LRRC56: variants seen among roughly 807,000 people sequenced by gnomAD.
LRRC56 encodes leucine rich repeat containing 56.
In LRRC56, 41 loss-of-function variants were observed where a neutral mutation model predicts 47.8. That is an observed-to-expected ratio of 0.86 (90% CI 0.67 to 1.11). The LOEUF is 1.11. LRRC56 is among the 50% of genes most tolerant of loss of function. LRRC56 has a pLI of 0.00. For synonymous variants in LRRC56, 387 were observed against 311.2 expected (o/e 1.24, Z -2.56); for missense variants, 759 against 704.2 (o/e 1.08, Z -0.88).
In LRRC56 at chr11:553,915, C is replaced by A. The variant is rs201673418; in HGVS notation, c.1316-48C>A. On this transcript the variant is annotated intron_variant, in intron 13 of 13. Coordinates refer to ENST00000270115, the MANE Select transcript of LRRC56 (RefSeq NM_198075.4). Reference sequence around the variant, plus strand: ...TGTGGCCTCCCCACCGGGTGACTCCCTTCCCTGACAGCCTTTCTGACGTCC... The same window carrying A: ...TGTGGCCTCCCCACCGGGTGACTCCATTCCCTGACAGCCTTTCTGACGTCC... 4.6e-5 allele frequency: 72 copies of A among 1,570,472 alleles called. No individual in the cohort carries two copies. In the East Asian group the frequency reaches 1.6e-3, roughly 35 times the overall value.
the LRRC56 span, among the ~76,000 whole-genome samples, chr11:524,826 C>T: frequency 2.0e-5 from 3 of 152,220 alleles, no homozygotes; most frequent in African/African-American, 7.2e-5. Flanking sequence ...GGCATAGTGG[C>T]TCATGCCTGT....
At chr11:509,032 C>T in the LRRC56 span, among the ~76,000 whole-genome samples, 4 of 151,870 alleles carry the variant, frequency 2.6e-5, no homozygotes, top group South Asian at 4.2e-4. Flanking sequence ...GCAACAAGAG[C>T]GAAACTCCAT....
chr11:523,132 G>A, the LRRC56 span, among the ~76,000 whole-genome samples: 5 of 152,154 alleles, frequency 3.3e-5, no homozygotes, highest in East Asian at 1.9e-4. Flanking sequence ...AGGTTCAAGC[G>A]ATTCTCCCTC....
At position 552,637 on chromosome 11, in the gene LRRC56, T is replaced by A. The variant is rs1477505099; in HGVS notation, c.1250T>A (p.Val417Asp). 2.5e-6 allele frequency: 4 copies of A among 1,610,518 alleles called. No individual in the cohort carries two copies. Among genetic ancestry groups the A allele is most frequent in the South Asian group, 1.1e-5 (1 of 90,944 alleles). The change falls in exon 13 of 14, where the codon GTC becomes GAC. Residue 417 changes from valine to aspartate, a missense_variant. Coordinates refer to ENST00000270115, the MANE Select transcript of LRRC56 (RefSeq NM_198075.4). ...GAVAPWGPRRVPEEQVHQAEP... is the reference protein window; with the variant it reads ...GAVAPWGPRRDPEEQVHQAEP... ...GTAGCCCCCTGGGGCCCACGGAGGGTCCCTGAAGAGCAAGTGCACCAGGCA... is the reference window on the plus strand; with the variant it reads ...GTAGCCCCCTGGGGCCCACGGAGGGACCCTGAAGAGCAAGTGCACCAGGCA...
At chr11:511,083 A>G in the LRRC56 span, among the ~76,000 whole-genome samples, 1 of 152,246 alleles carries the variant, frequency 6.6e-6, no homozygotes, top group Middle Eastern at 3.4e-3. Context: ...GCACTTTGGG[A>G]GGCCGAGGCG....
At chr11:516,436 C>G in the LRRC56 span, among the ~76,000 whole-genome samples, 1 of 152,114 alleles carries the variant, frequency 6.6e-6, no homozygotes, top group Non-Finnish European at 1.5e-5. Flanking sequence ...ATAGAATGCC[C>G]TCTCACTTGA....
At chr11:507,077 C>G in the LRRC56 span, 1 of 152,268 alleles carries the variant, frequency 6.6e-6, no homozygotes, top group Admixed American at 6.5e-5. Flanking sequence ...TGGGCGAGGC[C>G]TGGCTAGACG....
chr11:529,558 T>A, the LRRC56 span: 1 of 152,066 alleles, frequency 6.6e-6, no homozygotes, highest in Non-Finnish European at 1.5e-5. Context: ...TGGGTCAGGG[T>A]GCGGGGATGG....
At chr11:536,086 C>T (rs947970721), upstream of LRRC56, among the ~76,000 whole-genome samples, 11 of 152,334 alleles carry the variant, frequency 7.2e-5, no homozygotes, top group African/African-American at 2.6e-4. Flanking sequence ...GGAGCGGCCG[C>T]GCACCCCACC....
chr11:554,223 G>C lies in LRRC56; in HGVS notation c.1576G>C (p.Ala526Pro). Reference protein sequence around the residue: ...PGPKPAPDAAARPPRAAELSH... With the variant: ...PGPKPAPDAAPRPPRAAELSH... ...CCCAAAGCCAGCACCAGATGCAGCAGCTAGACCTCCCAGGGCAGCTGAACT... is the reference window on the plus strand; with the variant it reads ...CCCAAAGCCAGCACCAGATGCAGCACCTAGACCTCCCAGGGCAGCTGAACT... The change falls in exon 14 of 14, where the codon GCT becomes CCT. Residue 526 changes from alanine (A) to proline (P), a missense_variant. Ala to Pro is a conservative substitution (Grantham distance 27). Coordinates refer to ENST00000270115, the MANE Select transcript of LRRC56 (RefSeq NM_198075.4). The C allele has an allele frequency of 6.6e-7, 1 of 1,523,988 alleles. No individual in the cohort carries two copies. The highest frequency in any genetic ancestry group is 8.8e-7 in the Non-Finnish European group (1 of 1,138,304). 94.4% of individuals were successfully genotyped at this position (1,523,988 alleles called of 1,614,324 possible). A position where few individuals can be genotyped will look rare whatever the true frequency, so the allele number is the denominator to read the frequency against.
upstream of LRRC56, chr11:537,127 AG>A (rs1851545059): frequency 6.6e-6 from 1 of 152,188 alleles, no homozygotes; most frequent in African/African-American, 2.4e-5. Context: ...CCTCGGCCCC[AG>A]GGGCGACCCT....
chr11:527,251 A>G, the LRRC56 span, among the ~76,000 whole-genome samples: 1 of 151,956 alleles, frequency 6.6e-6, no homozygotes, highest in South Asian at 2.1e-4. Flanking sequence ...CAGTGAGCTG[A>G]GATCGCGCCA....
rs1022447291 is a variant in LRRC56, at chr11:540,857, G to A, written c.173G>A (p.Arg58Gln). Residue 58 changes from arginine (R) to glutamine (Q), a missense_variant, in exon 4 of 14, where the codon CGG (arginine) becomes CAG (glutamine). Transcript: ENST00000270115. Reference sequence around the variant, plus strand: ...GTGGAAGAGTACCTGTCCCCTGCCCGGCTGGTGAGTGTGGGCGCTGGGGGC... The same window carrying A: ...GTGGAAGAGTACCTGTCCCCTGCCCAGCTGGTGAGTGTGGGCGCTGGGGGC... ...QLVEEYLSPA[R>Q]LQALARVDDL... 1.4e-5 allele frequency: 22 copies of A among 1,555,682 alleles called. No individual in the cohort carries two copies. The highest frequency in any genetic ancestry group is 1.1e-4 in the African/African-American group (8 of 73,620).
In LRRC56 at chr11:552,682, GC is replaced by G; in HGVS notation, c.1301del (p.Pro434GlnfsTer66). On this transcript the variant is annotated frameshift_variant, in exon 13 of 14. Transcript: ENST00000270115. LOFTEE classifies it low-confidence loss of function (END_TRUNC). ...CAGGCAGAGCCCAAGACTCCCTCCA[GC>G]CCCCCAAGCCTGGCCTCAGGTACTG... The part of the protein sequence containing the change: ...VHQAEPKTPS[S>X]PPSLASEPSG... 6 of 1,607,974 alleles carry G rather than the reference GC, an allele frequency of 3.7e-6. No individual in the cohort carries two copies. The highest frequency in any genetic ancestry group is 4.2e-6 in the Non-Finnish European group (5 of 1,177,348).
upstream of LRRC56, chr11:533,688 G>C: frequency 6.2e-7 from 1 of 1,611,424 alleles, no homozygotes; most frequent in Non-Finnish European, 8.5e-7. Flanking sequence ...AGAGAGGACA[G>C]GAGGCCCCTG....
chr11:510,343 T>C, the LRRC56 span, among the ~76,000 whole-genome samples: 41 of 152,292 alleles, frequency 2.7e-4, no homozygotes, highest in Middle Eastern at 3.4e-3. Context: ...GGCTCACGCC[T>C]GTAATCCCAG....
chr11:531,997 G>A, the LRRC56 span, among the ~76,000 whole-genome samples: 3 of 152,240 alleles, frequency 2.0e-5, no homozygotes, highest in Non-Finnish European at 2.9e-5. Context: ...CTCCTAGTTG[G>A]TAGAAGCACA....
chr11:530,791 C>T, the LRRC56 span, among the ~76,000 whole-genome samples: 1 of 42,470 alleles, frequency 2.4e-5, no homozygotes, highest in Non-Finnish European at 4.1e-5. Flanking sequence ...GCGAGTGTGG[C>T]GTCCCCTGGA....
chr11:526,943 GA>G, the LRRC56 span, among the ~76,000 whole-genome samples: 2 of 149,206 alleles, frequency 1.3e-5, no homozygotes, highest in African/African-American at 4.9e-5. Flanking sequence ...TCTAAAAAAA[GA>G]AAAAAAAAGA....
Sources: allele counts gnomAD v4.1 joint callset (sites outside exome capture counted in the v4.1 genomes callset), GRCh38; gene constraint gnomAD v4.1.1; transcripts MANE v1.5; gene names NCBI Gene and HGNC (gene_info 2026-07-23, HGNC 2026-07-21).